The following MANBA variants were observed in gnomAD, a reference collection of about 807,000 sequenced individuals.
The protein encoded by MANBA is mannosidase beta, also known as beta-mannosidase.
In MANBA, 83 loss-of-function variants were observed where a neutral mutation model predicts 111.1. The ratio of observed to expected loss-of-function variants is 0.75; its 90% CI spans 0.63 to 0.90. The LOEUF is 0.90. Ranked by LOEUF, MANBA falls within the 40% of genes least tolerant of loss-of-function variation. MANBA has a pLI of 0.00. For missense variants in MANBA, 1,036 were observed against 1,069.0 expected, an observed-to-expected ratio of 0.97 and a Z score of 0.43; for synonymous variants, 370 against 378.7, an observed-to-expected ratio of 0.98 and a Z score of 0.27.
rs74963161 is a variant in MANBA, at chr4:102,732,761, A to G, written c.178-6078T>C. ...GGCCTCTCCAATGAACAAACATGGAACACATATTTACAGACACAGGGTTGA... is the reference window on the plus strand; with the variant it reads ...GGCCTCTCCAATGAACAAACATGGAGCACATATTTACAGACACAGGGTTGA... On this transcript the variant is annotated intron_variant, in intron 1 of 16. Transcript: ENST00000647097. 6.1e-3 allele frequency among the ~76,000 whole-genome samples: 934 copies of G among 152,346 alleles called. 9 individuals carry two copies. The highest frequency in any genetic ancestry group is 0.021 in the African/African-American group (872 of 41,570).
chr4:102,642,389 CGA>C (rs2110195946), intron 13 of MANBA, among the ~76,000 whole-genome samples: 1 of 152,250 alleles, frequency 6.6e-6, no homozygotes, highest in East Asian at 1.9e-4. Context: ...GGGTGAATCA[CGA>C]GGTCAGGAGA....
At chr4:102,690,056 T>C (rs1732405310) in intron 6 of MANBA, among the ~76,000 whole-genome samples, 1 of 152,214 alleles carries the variant, frequency 6.6e-6, no homozygotes, top group African/African-American at 2.4e-5. Flanking sequence ...TTTGAGTTCT[T>C]ACTTTATCTC....
In MANBA at chr4:102,669,009, G is replaced by A. The variant is rs771979420; in HGVS notation, c.1271C>T (p.Thr424Ile). 1.7e-5 allele frequency: 28 copies of A among 1,613,664 alleles called. No homozygotes were observed. The highest frequency in any genetic ancestry group is 2.4e-5 in the Non-Finnish European group (28 of 1,179,840). ...DFMFACALYP[T>I]DQGFLDSVTA... Reference sequence around the variant, plus strand: ...CACTGAATCCAGGAAGCCCTGATCAGTTGGATAAAGGGCACAGGCAAACAT... The same window carrying A: ...CACTGAATCCAGGAAGCCCTGATCAATTGGATAAAGGGCACAGGCAAACAT... Residue 424 changes from threonine to isoleucine, a missense_variant, in exon 10 of 17, where the codon ACT becomes ATT. Thr to Ile is a moderately conservative substitution (Grantham distance 89). Transcript: ENST00000647097.
intron 2 of MANBA, among the ~76,000 whole-genome samples, chr4:102,724,720 G>A (rs1356487253): frequency 6.6e-6 from 1 of 152,154 alleles, no homozygotes; most frequent in Non-Finnish European, 1.5e-5. Context: ...CTGTACTTAA[G>A]GAGTCTGCAA....
In MANBA at chr4:102,688,083, A is replaced by G. The variant is rs576753418; in HGVS notation, c.960+1491T>C. 2.6e-5 allele frequency among the ~76,000 whole-genome samples: 4 copies of G among 152,322 alleles called. No homozygotes were observed. In the South Asian group the frequency reaches 8.3e-4, roughly 32 times the overall value. On this transcript the variant is annotated intron_variant, in intron 7 of 16. Transcript: ENST00000647097. ...GTAAAAGAATTATTTCCCTTAGAAA[A>G]AGACAGAAGTTCCTCTTCTTTCTCT...
chr4:102,659,138 GC>G (rs1730802147), intron 11 of MANBA: 1 of 152,154 alleles, frequency 6.6e-6, no homozygotes, highest in Non-Finnish European at 1.5e-5. Flanking sequence ...TTTCCTATTG[GC>G]CAGGCATGCA....
intron 13 of MANBA, among the ~76,000 whole-genome samples, chr4:102,648,133 A>T (rs76218019): frequency 0.01 from 1,596 of 152,224 alleles, 27 homozygotes; most frequent in African/African-American, 0.037. Flanking sequence ...GGCAAATGAA[A>T]AAAGTAAAAT....
chr4:102,740,832 A>C (rs1723376001), intron 1 of MANBA, among the ~76,000 whole-genome samples: 1 of 152,200 alleles, frequency 6.6e-6, no homozygotes, highest in Non-Finnish European at 1.5e-5. Flanking sequence ...TAAGACCTGA[A>C]ACCATTAAAA....
At chr4:102,707,122 C>A (rs576100055) in intron 5 of MANBA, among the ~76,000 whole-genome samples, 5 of 152,126 alleles carry the variant, frequency 3.3e-5, no homozygotes, top group Non-Finnish European at 7.4e-5. Flanking sequence ...CTCCATGGCA[C>A]ATTACAGTCA....
At chr4:102,713,685 T>C (rs1722181198) in intron 5 of MANBA, among the ~76,000 whole-genome samples, 1 of 152,160 alleles carries the variant, frequency 6.6e-6, no homozygotes, top group Non-Finnish European at 1.5e-5. Context: ...GCAGATCACC[T>C]GAGGTCAGGA....
intron 1 of MANBA, among the ~76,000 whole-genome samples, chr4:102,738,462 C>T (rs1422241475): frequency 6.6e-6 from 1 of 152,232 alleles, no homozygotes; most frequent in Non-Finnish European, 1.5e-5. Context: ...AGCCTGCAGG[C>T]CAGTAGCTCC....
chr4:102,708,760 AAGG>A (rs1379609821), intron 5 of MANBA, among the ~76,000 whole-genome samples: 6 of 152,012 alleles, frequency 3.9e-5, no homozygotes, highest in Non-Finnish European at 7.4e-5. Flanking sequence ...TAGACTAATC[AAGG>A]AGAAGACCCA....
chr4:102,709,257 AAGAG>A (rs200387187), intron 5 of MANBA, among the ~76,000 whole-genome samples: 4 of 140,348 alleles, frequency 2.9e-5, no homozygotes, highest in African/African-American at 5.3e-5. Context: ...GAAAGAAAGA[AAGAG>A]AGAGAGAGAA....
At chr4:102,700,670 T>C (rs1433962523) in intron 5 of MANBA, among the ~76,000 whole-genome samples, 1 of 152,244 alleles carries the variant, frequency 6.6e-6, no homozygotes, top group Non-Finnish European at 1.5e-5. Flanking sequence ...TGAGCGGTTT[T>C]GAGTGAGTTT....
At chr4:102,727,624 T>A in intron 1 of MANBA, 1 of 1,547,936 alleles carries the variant, frequency 6.5e-7, no homozygotes, top group South Asian at 1.1e-5. Context: ...AGTGCCCATG[T>A]TGTTGTATTC....
chr4:102,734,121 T>C (rs1338068655), intron 1 of MANBA, among the ~76,000 whole-genome samples: 1 of 152,248 alleles, frequency 6.6e-6, no homozygotes, highest in Non-Finnish European at 1.5e-5. Context: ...GATAAAGATG[T>C]GTCAATGTCT....
chr4:102,729,578 C>T lies in MANBA; in HGVS notation c.178-2895G>A, dbSNP rs1167758169. The T allele has an allele frequency of 3.4e-6, 3 of 889,754 alleles. No homozygotes were observed. The East Asian group carries it at 7.2e-5, about 21-fold the overall frequency. 55.1% of individuals were successfully genotyped at this position (889,754 alleles called of 1,614,324 possible). A position where few individuals can be genotyped will look rare whatever the true frequency, so the allele number is the denominator to read the frequency against. On this transcript the variant is annotated intron_variant, in intron 1 of 16. Coordinates refer to ENST00000647097, the MANE Select transcript of MANBA (RefSeq NM_005908.4). ...TTGTTCATGTAACCTTCATCCACAT[C>T]CTCTTGATGAGGACAAATTCATTCT...
intron 7 of MANBA, among the ~76,000 whole-genome samples, chr4:102,686,909 C>T (rs1211527692): frequency 6.6e-6 from 1 of 152,164 alleles, no homozygotes; most frequent in Admixed American, 6.6e-5. Flanking sequence ...CATCTATATC[C>T]TTAACCCACA....
At chr4:102,635,420 T>C (rs1386995990) in intron 15 of MANBA, among the ~76,000 whole-genome samples, 3 of 152,264 alleles carry the variant, frequency 2.0e-5, no homozygotes, top group African/African-American at 7.2e-5. Flanking sequence ...TTCTTTTTAC[T>C]TAAATTTGTT....
Sources: allele counts gnomAD v4.1 joint callset (sites outside exome capture counted in the v4.1 genomes callset), GRCh38; gene constraint gnomAD v4.1.1; transcripts MANE v1.5; gene names NCBI Gene and HGNC (gene_info 2026-07-23, HGNC 2026-07-21).